MICAL3: variants seen among roughly 807,000 people sequenced by gnomAD.
The protein encoded by MICAL3 is microtubule associated monooxygenase, calponin and LIM domain containing 3.
Under a neutral mutation model 207.4 loss-of-function variants are expected in MICAL3, and 62 were observed. That is an observed-to-expected ratio of 0.30 (90% CI 0.24 to 0.37). MICAL3 has a LOEUF of 0.37. MICAL3 is among the 10% of genes least tolerant of loss of function. MICAL3 has a pLI of 1.00. For missense variants in MICAL3, 2,368 were observed against 2,635.6 expected (o/e 0.90, Z 2.22); for synonymous variants, 1,077 against 1,069.3 (o/e 1.01, Z -0.14).
At chr22:17,960,695 G>A (rs779773069) in intron 1 of MICAL3, among the ~76,000 whole-genome samples, 1 of 152,152 alleles carries the variant, frequency 6.6e-6, no homozygotes, top group African/African-American at 2.4e-5. Flanking sequence ...GTGAGAGGGT[G>A]GGGGGAAGGA....
intron 19 of MICAL3, chr22:17,860,074 C>T (rs1174274663): frequency 4.9e-6 from 3 of 608,478 alleles, no homozygotes; most frequent in Non-Finnish European, 6.2e-6. Flanking sequence ...TGGCCTCAAG[C>T]TCACTCCCAA....
At chr22:17,910,752 C>T (rs918101507) in intron 1 of MICAL3, among the ~76,000 whole-genome samples, 1 of 152,206 alleles carries the variant, frequency 6.6e-6, no homozygotes, top group Non-Finnish European at 1.5e-5. Context: ...CTGCAAGGGG[C>T]TTACCCGGCA....
chr22:17,790,608 C>G lies in MICAL3; in HGVS notation c.*124G>C. ...GGACTCGACCACTTTCCAAGCAGCA[C>G]ACGGGCATCTGAGCGTAAACTCCAA... On this transcript the variant is annotated 3_prime_UTR_variant, in exon 32 of 32. Coordinates refer to ENST00000441493, the MANE Select transcript of MICAL3 (RefSeq NM_015241.3). 1.2e-6 allele frequency: 1 copy of G among 865,556 alleles called. No individual in the cohort carries two copies. The highest frequency in any genetic ancestry group is 1.7e-6 in the Non-Finnish European group (1 of 573,902). 53.6% of individuals were successfully genotyped at this position (865,556 alleles called of 1,614,324 possible). A position where few individuals can be genotyped will look rare whatever the true frequency, so the allele number is the denominator to read the frequency against.
At chr22:17,861,980 G>C in intron 19 of MICAL3, 1 of 985,380 alleles carries the variant, frequency 1.0e-6, no homozygotes, top group Non-Finnish European at 1.2e-6. Flanking sequence ...AAAAGAAAAA[G>C]AACATAAAGG....
Position 17,818,432 on chromosome 22 carries a change from C to G in MICAL3, c.4229G>C (p.Arg1410Thr). 1 of 1,612,694 alleles carries G rather than the reference C, an allele frequency of 6.2e-7. No individual in the cohort carries two copies. The highest frequency in any genetic ancestry group is 1.1e-5 in the South Asian group (1 of 91,088). ...SLPTPRSPSD[R>T]ELRSAQEERR... ...CTCCTCCTGGGCGCTGCGTAGCTCT[C>G]TGTCGGACGGGGACCGGGGGGTTGG... Residue 1410 changes from arginine to threonine, a missense_variant, in exon 26 of 32, where the codon AGA (arginine) becomes ACA (threonine). Arg to Thr is a moderately conservative substitution (Grantham distance 71). Coordinates refer to ENST00000441493, the MANE Select transcript of MICAL3 (RefSeq NM_015241.3).
intron 7 of MICAL3, among the ~76,000 whole-genome samples, chr22:17,897,685 G>T (rs545638952): frequency 3.0e-4 from 46 of 152,220 alleles, no homozygotes; most frequent in African/African-American, 1.1e-3. Flanking sequence ...ACTCAGCCTT[G>T]CATAACTCAT....
chr22:17,842,160 C>G lies in MICAL3; in HGVS notation c.2606-143G>C, dbSNP rs528128887. The G allele has an allele frequency of 4.1e-6, 3 of 740,118 alleles. No individual in the cohort carries two copies. The African/African-American group carries it at 5.2e-5, about 13-fold the overall frequency. The allele number at this position is 740,118 out of a possible 1,614,324, so 45.8% of individuals were successfully genotyped here. Reference sequence around the variant, plus strand: ...AGAGCATTTGCAGAGTTGCCAGAGGCCAGAGAAGGACCCTGGCATGTGAGA... The same window carrying G: ...AGAGCATTTGCAGAGTTGCCAGAGGGCAGAGAAGGACCCTGGCATGTGAGA... On this transcript the variant is annotated intron_variant, in intron 19 of 31. Transcript: ENST00000441493.
Position 17,896,991 on chromosome 22 carries a change from G to C in MICAL3, c.949-10C>G. ...CTGTGTCGGCGTAGTCCTGTCTCCA[G>C]AGAAAGAGGAGGGTAGGGATGGAGA... is the stretch of plus-strand genomic sequence containing the variant. On this transcript the variant is annotated splice_polypyrimidine_tract_variant and intron_variant, in intron 7 of 31. Transcript: ENST00000441493. 1.9e-6 allele frequency: 3 copies of C among 1,605,320 alleles called. No individual in the cohort carries two copies. The highest frequency in any genetic ancestry group is 1.7e-6 in the Non-Finnish European group (2 of 1,175,488).
At chr22:17,975,234 T>C (rs1030330332) in intron 1 of MICAL3, among the ~76,000 whole-genome samples, 1 of 152,036 alleles carries the variant, frequency 6.6e-6, no homozygotes, top group Non-Finnish European at 1.5e-5. Context: ...GTCACCACAA[T>C]CATCGTGTGA....
intron 29 of MICAL3, among the ~76,000 whole-genome samples, chr22:17,805,603 G>C (rs1488723938): frequency 6.6e-6 from 1 of 152,220 alleles, no homozygotes; most frequent in Non-Finnish European, 1.5e-5. Flanking sequence ...CTACGACAGT[G>C]GTTTTCAAGC....
At chr22:17,940,170 C>A (rs1303404168) in intron 1 of MICAL3, among the ~76,000 whole-genome samples, 1 of 152,224 alleles carries the variant, frequency 6.6e-6, no homozygotes, top group Non-Finnish European at 1.5e-5. Flanking sequence ...ACTATCTGCC[C>A]TTTCAGGGCC....
intron 19 of MICAL3, among the ~76,000 whole-genome samples, chr22:17,856,625 T>C (rs962003183): frequency 6.9e-6 from 1 of 144,486 alleles, no homozygotes; most frequent in Non-Finnish European, 1.5e-5. Flanking sequence ...TTTTTTTTTT[T>C]TTTTTTTGAG....
intron 15 of MICAL3, among the ~76,000 whole-genome samples, chr22:17,886,796 C>T (rs1215288193): frequency 1.2e-4 from 15 of 129,724 alleles, no homozygotes; most frequent in Non-Finnish European, 2.0e-4. Context: ...GAGAGCCAGA[C>T]TCTGTCTCAA....
At chr22:17,880,861 G>T (rs1016960471) in intron 16 of MICAL3, among the ~76,000 whole-genome samples, 6 of 152,232 alleles carry the variant, frequency 3.9e-5, no homozygotes, top group African/African-American at 1.4e-4. Context: ...TGCAGCGAGA[G>T]AAAAGGGCTG....
At chr22:17,810,854 A>T in intron 27 of MICAL3, 41 bp from the exon 28 acceptor site, 1 of 1,556,154 alleles carries the variant, frequency 6.4e-7, no homozygotes, top group Non-Finnish European at 8.9e-7. Context: ...AGGTGCACGG[A>T]GGCCTGGGAC....
rs777348250 is a variant in MICAL3, at chr22:17,793,138, C to T, written c.5651-1837G>A. ...GGGGCTGTGGTGTGTGAGCGAGAGTCGGGTGAGCGCTGTGGACGGCAGGTA... is the reference window on the plus strand; with the variant it reads ...GGGGCTGTGGTGTGTGAGCGAGAGTTGGGTGAGCGCTGTGGACGGCAGGTA... On this transcript the variant is annotated intron_variant, in intron 29 of 31. Coordinates refer to ENST00000441493, the MANE Select transcript of MICAL3 (RefSeq NM_015241.3). This position sits in a 1 kb window ranked among gnomAD's most constrained non-coding sequence, Gnocchi z 4.1. Among the ~76,000 whole-genome samples the T allele has an allele frequency of 6.6e-6, 1 of 152,200 alleles. No homozygotes were observed.
intron 9 of MICAL3, among the ~76,000 whole-genome samples, chr22:17,896,045 A>C (rs1042049115): frequency 6.6e-6 from 1 of 152,190 alleles, no homozygotes; most frequent in African/African-American, 2.4e-5. Flanking sequence ...GGAGTAAGAG[A>C]AGACTTAGTC....
chr22:17,875,383 T>A, intron 16 of MICAL3: 1 of 1,049,132 alleles, frequency 9.5e-7, no homozygotes, highest in South Asian at 1.7e-5. Flanking sequence ...ACATGACACT[T>A]GCGAAAGTGA....
In MICAL3 at chr22:17,790,645, G is replaced by C; in HGVS notation, c.*87C>G. The C allele has an allele frequency of 8.0e-7, 1 of 1,244,900 alleles. No homozygotes were observed. The highest frequency in any genetic ancestry group is 1.1e-6 in the Non-Finnish European group (1 of 900,730). The allele number at this position is 1,244,900 out of a possible 1,614,324, so 77.1% of individuals were successfully genotyped here. A position where few individuals can be genotyped will look rare whatever the true frequency, so the allele number is the denominator to read the frequency against. Reference sequence around the variant, plus strand: ...AGCGTAAACTCCAAGGAGGTGCCAGGCCTCCTCAGATCGCGGCTCCGGGTG... The same window carrying C: ...AGCGTAAACTCCAAGGAGGTGCCAGCCCTCCTCAGATCGCGGCTCCGGGTG... On this transcript the variant is annotated 3_prime_UTR_variant, in exon 32 of 32. Coordinates refer to ENST00000441493, the MANE Select transcript of MICAL3 (RefSeq NM_015241.3).
Sources: gnomAD v4.1 joint callset for allele counts (sites outside exome capture counted in the v4.1 genomes callset) on GRCh38, gnomAD v4.1.1 for gene constraint, Gnocchi (gnomAD v3.1) non-coding constraint, MANE v1.5 for transcripts, NCBI Gene and HGNC (gene_info 2026-07-23, HGNC 2026-07-21) for gene names.